The following LHFPL2 variants were observed in gnomAD, a reference collection of about 807,000 sequenced individuals.
LHFPL2 encodes LHFPL tetraspan subfamily member 2.
A neutral mutation model predicts 17.5 loss-of-function variants in LHFPL2; 7 were observed. The ratio of observed to expected loss-of-function variants is 0.40; its 90% CI spans 0.23 to 0.75. The LOEUF is 0.75. LHFPL2 is among the 30% of genes least tolerant of loss of function. LHFPL2 has a pLI of 0.37. For synonymous variants in LHFPL2, 134 were observed against 116.2 expected (o/e 1.15, Z -0.99); for missense variants, 241 against 294.8 (o/e 0.82, Z 1.34).
intron 3 of LHFPL2, among the ~76,000 whole-genome samples, chr5:78,544,752 T>TACAC (rs34278546): frequency 0.36 from 53,209 of 148,940 alleles, 10,246 homozygotes; most frequent in Middle Eastern, 0.46. Flanking sequence ...GCCATCTTCT[T>TACAC]ACACACACAC....
intron 3 of LHFPL2, among the ~76,000 whole-genome samples, chr5:78,525,574 T>C (rs760200724): frequency 6.6e-6 from 1 of 152,196 alleles, no homozygotes; most frequent in Non-Finnish European, 1.5e-5. Context: ...ACACGGCCAC[T>C]TATTAACACT....
chr5:78,510,361 C>G lies in LHFPL2; in HGVS notation c.-148G>C, dbSNP rs1305830380. ...CCGCCGGCCGCGTTCATGCTGGGGA[C>G]AGCGCTCCCGGACCCAGAGCACCGC... On this transcript the variant is annotated 5_prime_UTR_variant, in exon 4 of 5. Coordinates refer to ENST00000380345, the MANE Select transcript of LHFPL2 (RefSeq NM_005779.3). The G allele has an allele frequency of 9.9e-6, 8 of 810,282 alleles. No homozygotes were observed. The East Asian group carries it at 1.6e-4, about 16-fold the overall frequency. 50.2% of individuals were successfully genotyped at this position (810,282 alleles called of 1,614,324 possible). A position where few individuals can be genotyped will look rare whatever the true frequency, so the allele number is the denominator to read the frequency against.
chr5:78,636,940 G>A (rs1346652523), intron 1 of LHFPL2, among the ~76,000 whole-genome samples: 1 of 152,064 alleles, frequency 6.6e-6, no homozygotes, highest in African/African-American at 2.4e-5. Flanking sequence ...CCCTTCACAA[G>A]CAAGTATCTA....
chr5:78,582,924 T>C (rs907407989), intron 2 of LHFPL2, among the ~76,000 whole-genome samples: 55 of 152,330 alleles, frequency 3.6e-4, no homozygotes, highest in African/African-American at 1.3e-3. Context: ...GGAGTCTAAG[T>C]GTCTTTGTAG....
At chr5:78,551,566 A>G (rs1756442479) in intron 3 of LHFPL2, among the ~76,000 whole-genome samples, 1 of 152,140 alleles carries the variant, frequency 6.6e-6, no homozygotes, top group Admixed American at 6.5e-5. Flanking sequence ...AATCAGAAAT[A>G]AAAGACTGTT....
At chr5:78,546,748 CAT>C (rs1240673035) in intron 3 of LHFPL2, among the ~76,000 whole-genome samples, 1 of 152,198 alleles carries the variant, frequency 6.6e-6, no homozygotes, top group African/African-American at 2.4e-5. Context: ...TTCTTGATGA[CAT>C]AGTGGTCACA....
At chr5:78,568,741 A>G (rs1373332566) in intron 2 of LHFPL2, among the ~76,000 whole-genome samples, 1 of 152,176 alleles carries the variant, frequency 6.6e-6, no homozygotes. Flanking sequence ...AGAGGGGGAA[A>G]GTCTCAGCAA....
intron 2 of LHFPL2, among the ~76,000 whole-genome samples, chr5:78,585,572 GT>G (rs1306240258): frequency 6.6e-6 from 1 of 152,106 alleles, no homozygotes; most frequent in Non-Finnish European, 1.5e-5. Context: ...CGTCTTCTGC[GT>G]CGCTCATGCT....
intron 2 of LHFPL2, among the ~76,000 whole-genome samples, chr5:78,576,276 C>T (rs952936820): frequency 6.9e-6 from 1 of 145,334 alleles, no homozygotes; most frequent in Non-Finnish European, 1.5e-5. Flanking sequence ...GCCTGGGCAA[C>T]AGAGCGAGAC....
intron 2 of LHFPL2, among the ~76,000 whole-genome samples, chr5:78,614,708 C>T (rs909048735): frequency 6.6e-6 from 1 of 152,024 alleles, no homozygotes; most frequent in Non-Finnish European, 1.5e-5. Flanking sequence ...GAAAAAAGGA[C>T]TAAAAAATTT....
intron 2 of LHFPL2, among the ~76,000 whole-genome samples, chr5:78,586,366 G>T (rs963275158): frequency 2.6e-5 from 4 of 152,178 alleles, no homozygotes; most frequent in South Asian, 4.1e-4. Context: ...TTTTCATGTT[G>T]TCTCATTTGT....
chr5:78,634,052 G>C (rs571189329), intron 1 of LHFPL2, among the ~76,000 whole-genome samples: 1 of 152,140 alleles, frequency 6.6e-6, no homozygotes, highest in Non-Finnish European at 1.5e-5. Context: ...GAAGAGCCCA[G>C]TTTATCTGCC....
intron 2 of LHFPL2, among the ~76,000 whole-genome samples, chr5:78,567,796 G>A (rs1756897527): frequency 6.6e-6 from 1 of 152,082 alleles, no homozygotes; most frequent in South Asian, 2.1e-4. Flanking sequence ...ATGCAAGCAG[G>A]AGAGAAAATT....
intron 2 of LHFPL2, among the ~76,000 whole-genome samples, chr5:78,585,030 G>A (rs571639582): frequency 0.017 from 1,315 of 76,776 alleles, 211 homozygotes; most frequent in Non-Finnish European, 0.021. Flanking sequence ...TTTTTGAGAC[G>A]GAGTCTCGCT....
At chr5:78,505,292 C>G (rs1754898234) in intron 4 of LHFPL2, among the ~76,000 whole-genome samples, 1 of 152,220 alleles carries the variant, frequency 6.6e-6, no homozygotes, top group Admixed American at 6.5e-5. Context: ...GGGATGCAAA[C>G]TGATGTGTGT....
intron 3 of LHFPL2, among the ~76,000 whole-genome samples, chr5:78,533,194 A>C (rs1261774952): frequency 6.6e-6 from 1 of 152,226 alleles, no homozygotes; most frequent in Non-Finnish European, 1.5e-5. Context: ...AGATTCCAGA[A>C]GATATCTCCC....
At chr5:78,495,933 C>T (rs1429333073) in intron 4 of LHFPL2, among the ~76,000 whole-genome samples, 2 of 152,148 alleles carry the variant, frequency 1.3e-5, no homozygotes, top group African/African-American at 2.4e-5. Context: ...CACCATTCCT[C>T]GAACAGGGGC....
Position 78,551,575 on chromosome 5 carries a change from T to C in LHFPL2, c.-186+13238A>G, listed in dbSNP as rs1411189504. Among the ~76,000 whole-genome samples, 5 of 152,210 alleles carry C rather than the reference T, an allele frequency of 3.3e-5. No homozygotes were observed. The East Asian group carries it at 7.7e-4, about 24-fold the overall frequency. On this transcript the variant is annotated intron_variant, in intron 3 of 4. Transcript: ENST00000380345. ...CTATTCAATCAGAAATAAAAGACTG[T>C]TGGGGCTCAGAAAACAACACCCCAA...
intron 1 of LHFPL2, among the ~76,000 whole-genome samples, chr5:78,638,450 C>G (rs1745540435): frequency 6.6e-6 from 1 of 152,242 alleles, no homozygotes; most frequent in South Asian, 2.1e-4. Context: ...GCTCTAACAT[C>G]TGCCTCCCTT....
Sources: gnomAD v4.1 joint callset for allele counts (sites outside exome capture counted in the v4.1 genomes callset) on GRCh38, gnomAD v4.1.1 for gene constraint, MANE v1.5 for transcripts, NCBI Gene and HGNC (gene_info 2026-07-23, HGNC 2026-07-21) for gene names.